The following LOC400499 variants were observed in gnomAD, a reference collection of about 807,000 sequenced individuals.
chr16:11,446,607 A>G, the LOC400499 span: 4 of 1,536,136 alleles, frequency 2.6e-6, no homozygotes, highest in South Asian at 1.2e-5. Flanking sequence ...TGACTTTGCC[A>G]TCGTATGGAT....
the LOC400499 span, chr16:11,446,895 C>G: frequency 6.5e-7 from 1 of 1,535,090 alleles, no homozygotes; most frequent in Admixed American, 2.0e-5. Flanking sequence ...GCGGGATGGG[C>G]AGGTGCAACG....
the LOC400499 span, among the ~76,000 whole-genome samples, chr16:11,428,957 C>G: frequency 6.6e-6 from 1 of 152,128 alleles, no homozygotes; most frequent in South Asian, 2.1e-4. Flanking sequence ...GAGAAGCCAT[C>G]TCGTAGGGAC....
chr16:11,511,002 C>CTT, the LOC400499 span, among the ~76,000 whole-genome samples: 2 of 143,902 alleles, frequency 1.4e-5, no homozygotes, highest in African/African-American at 5.1e-5. Context: ...TGATGATTTT[C>CTT]TTTTTTTTTT....
At chr16:11,482,274 C>G in the LOC400499 span, among the ~76,000 whole-genome samples, 2 of 152,152 alleles carry the variant, frequency 1.3e-5, no homozygotes, top group Non-Finnish European at 2.9e-5. Context: ...GAGGCTGAGC[C>G]AGGGGACTCC....
At chr16:11,435,709 G>A in the LOC400499 span, 2 of 399,110 alleles carry the variant, frequency 5.0e-6, no homozygotes, top group South Asian at 1.3e-4. Context: ...CAGCCCTGGG[G>A]GCACTGAGGA....
chr16:11,425,141 G>A, the LOC400499 span: 1 of 399,024 alleles, frequency 2.5e-6, no homozygotes. Flanking sequence ...CACTCAGCGT[G>A]CTGATATTGT....
the LOC400499 span, among the ~76,000 whole-genome samples, chr16:11,466,262 G>A: frequency 1.1e-4 from 17 of 152,312 alleles, no homozygotes; most frequent in African/African-American, 4.1e-4. Context: ...GTCTATACCA[G>A]CGCCAACCAA....
At chr16:11,510,677 C>T in the LOC400499 span, among the ~76,000 whole-genome samples, 4 of 151,578 alleles carry the variant, frequency 2.6e-5, no homozygotes, top group African/African-American at 9.7e-5. Context: ...CCCAGAGCCC[C>T]GGCAGTGCTC....
At chr16:11,479,549 G>C in the LOC400499 span, among the ~76,000 whole-genome samples, 1 of 152,050 alleles carries the variant, frequency 6.6e-6, no homozygotes, top group Non-Finnish European at 1.5e-5. Context: ...CTTGAGCCCA[G>C]GAGTTCAAGG....
the LOC400499 span, among the ~76,000 whole-genome samples, chr16:11,486,852 G>A: frequency 1.8e-5 from 2 of 108,376 alleles, no homozygotes; most frequent in Non-Finnish European, 3.8e-5. Context: ...ATGATGGGCG[G>A]GTGGGTGGAT....
chr16:11,460,566 G>A, the LOC400499 span: 1 of 1,535,554 alleles, frequency 6.5e-7, no homozygotes, highest in Non-Finnish European at 8.7e-7. Flanking sequence ...TCTGCCCGCA[G>A]CTTCTGGCTG....
the LOC400499 span, among the ~76,000 whole-genome samples, chr16:11,510,255 G>A: frequency 6.6e-6 from 1 of 151,634 alleles, no homozygotes. Context: ...AACACCATCT[G>A]GCTGCCTGCA....
chr16:11,391,757 C>T, the LOC400499 span: 2 of 1,232,220 alleles, frequency 1.6e-6, no homozygotes, highest in Non-Finnish European at 1.0e-6. Context: ...TCCGGGCCCA[C>T]AAAGTGGCTA....
chr16:11,475,982 T>A, the LOC400499 span, among the ~76,000 whole-genome samples: 1 of 152,088 alleles, frequency 6.6e-6, no homozygotes, highest in Non-Finnish European at 1.5e-5. Flanking sequence ...GGGCCTCCCC[T>A]AGCTGGAGTA....
At chr16:11,388,730 C>G in the LOC400499 span, among the ~76,000 whole-genome samples, 1 of 152,204 alleles carries the variant, frequency 6.6e-6, no homozygotes, top group African/African-American at 2.4e-5. Flanking sequence ...CCCGCCTCCC[C>G]AGTCTTAGGA....
At chr16:11,401,244 C>T in the LOC400499 span, 18 of 399,102 alleles carry the variant, frequency 4.5e-5, no homozygotes, top group African/African-American at 2.9e-4. Context: ...CGGCCAAGGG[C>T]GCCTGGGACA....
the LOC400499 span, chr16:11,399,292 C>G: frequency 1.0e-6 from 1 of 966,498 alleles, no homozygotes; most frequent in East Asian, 1.1e-4. Context: ...TCACCACATC[C>G]CAGTTAGGAA....
the LOC400499 span, chr16:11,392,633 G>T: frequency 1.9e-6 from 1 of 515,200 alleles, no homozygotes; most frequent in Non-Finnish European, 3.0e-6. Flanking sequence ...ACCTTGAGCT[G>T]CACCACCTAG....
At chr16:11,391,107 A>T in the LOC400499 span, among the ~76,000 whole-genome samples, 19 of 152,346 alleles carry the variant, frequency 1.2e-4, no homozygotes, top group African/African-American at 4.6e-4. Context: ...GGTCACAGGA[A>T]CACTCTGGCA....
Sources: gnomAD v4.1 joint callset for allele counts (sites outside exome capture counted in the v4.1 genomes callset) on GRCh38, gnomAD v4.1.1 for gene constraint, MANE v1.5 for transcripts.